FAM107B: variants seen among roughly 807,000 people sequenced by gnomAD.
FAM107B encodes the protein protein FAM107B.
In FAM107B, 21 loss-of-function variants were observed where a neutral mutation model predicts 31.5. That is an observed-to-expected ratio of 0.67 (90% CI 0.47 to 0.96). FAM107B has a LOEUF of 0.96. Among genes scored for constraint, FAM107B ranks in the 40% least tolerant of loss-of-function variants. The pLI is 0.00. For missense variants in FAM107B, 452 were observed against 377.1 expected (o/e 1.20, Z -1.64); for synonymous variants, 157 against 141.5 (o/e 1.11, Z -0.78).
chr10:14,580,517 GA>G (rs1374379946), intron 2 of FAM107B, among the ~76,000 whole-genome samples: 1 of 150,356 alleles, frequency 6.7e-6, no homozygotes, highest in East Asian at 1.9e-4. Context: ...TACATTCTTA[GA>G]AAAAAAAATA....
chr10:14,755,751 G>A (rs1274993223), intron 1 of FAM107B, among the ~76,000 whole-genome samples: 1 of 152,250 alleles, frequency 6.6e-6, no homozygotes, highest in South Asian at 2.1e-4. Flanking sequence ...GATGAGGAAA[G>A]AACTCAGGAC....
At chr10:14,670,326 T>A (rs967767834) in intron 1 of FAM107B, among the ~76,000 whole-genome samples, 1 of 152,230 alleles carries the variant, frequency 6.6e-6, no homozygotes, top group Admixed American at 6.5e-5. Context: ...CAAATGTATG[T>A]GTTGTAAGAA....
At chr10:14,731,342 A>C (rs576874005) in intron 1 of FAM107B, among the ~76,000 whole-genome samples, 2 of 152,274 alleles carry the variant, frequency 1.3e-5, no homozygotes, top group South Asian at 4.1e-4. Flanking sequence ...CAGGTGGATC[A>C]CCTGAGATCA....
At chr10:14,739,550 C>G (rs1033249952) in intron 1 of FAM107B, among the ~76,000 whole-genome samples, 16 of 152,162 alleles carry the variant, frequency 1.1e-4, no homozygotes, top group Non-Finnish European at 1.8e-4. Flanking sequence ...ACCAATTTTA[C>G]TCCTGGAATG....
intron 2 of FAM107B, among the ~76,000 whole-genome samples, chr10:14,597,622 C>A (rs1852230864): frequency 1.3e-5 from 2 of 152,194 alleles, no homozygotes; most frequent in South Asian, 4.1e-4. Flanking sequence ...CCTGTGTCCG[C>A]ATCTTGACAT....
In FAM107B at chr10:14,718,004, C is replaced by T. The variant is rs111334525; in HGVS notation, c.412-50313G>A. Among the ~76,000 whole-genome samples, 7 of 152,232 alleles carry T rather than the reference C, an allele frequency of 4.6e-5. No homozygotes were observed. The East Asian group carries it at 1.4e-3, about 29-fold the overall frequency. On this transcript the variant is annotated intron_variant, in intron 1 of 4. Coordinates refer to ENST00000181796, the MANE Select transcript of FAM107B (RefSeq NM_031453.4). ...GCTAACAAAAGATCATGTTTTGGTTCTTGGTTCCTGGGGGTCCAGGAGAAG... is the reference window on the plus strand; with the variant it reads ...GCTAACAAAAGATCATGTTTTGGTTTTTGGTTCCTGGGGGTCCAGGAGAAG...
chr10:14,652,223 T>C (rs1048975944), intron 2 of FAM107B, among the ~76,000 whole-genome samples: 2 of 152,170 alleles, frequency 1.3e-5, no homozygotes, highest in Non-Finnish European at 2.9e-5. Flanking sequence ...TCTATGCACA[T>C]GGAAAATTCC....
At chr10:14,632,106 G>T (rs1318085085) in intron 2 of FAM107B, among the ~76,000 whole-genome samples, 1 of 150,764 alleles carries the variant, frequency 6.6e-6, no homozygotes, top group African/African-American at 2.4e-5. Context: ...AGACCAGCCT[G>T]GCCAACATTG....
At chr10:14,574,390 C>T (rs961596947) in intron 2 of FAM107B, among the ~76,000 whole-genome samples, 34 of 152,220 alleles carry the variant, frequency 2.2e-4, no homozygotes, top group African/African-American at 7.5e-4. Context: ...TTCAGTAGGA[C>T]ATTTTGCAAA....
chr10:14,703,250 G>A (rs1855443723), intron 1 of FAM107B, among the ~76,000 whole-genome samples: 1 of 151,822 alleles, frequency 6.6e-6, no homozygotes, highest in South Asian at 2.1e-4. Context: ...CCCTCCAAGG[G>A]CAAAGGGAAA....
chr10:14,561,560 T>G (rs1440973641), intron 2 of FAM107B, among the ~76,000 whole-genome samples: 1 of 152,096 alleles, frequency 6.6e-6, no homozygotes, highest in Admixed American at 6.5e-5. Flanking sequence ...AGGAACTGGG[T>G]TATGGTAAGG....
intron 2 of FAM107B, among the ~76,000 whole-genome samples, chr10:14,615,170 A>T (rs1369979787): frequency 6.6e-6 from 1 of 152,090 alleles, no homozygotes; most frequent in African/African-American, 2.4e-5. Flanking sequence ...CTCTACTAAA[A>T]ATACAAAAAT....
At chr10:14,771,448 T>C (rs1449232033) in intron 1 of FAM107B, among the ~76,000 whole-genome samples, 1 of 152,206 alleles carries the variant, frequency 6.6e-6, no homozygotes, top group African/African-American at 2.4e-5. Context: ...AATAATTTAT[T>C]GTGTATTTCA....
At chr10:14,531,891 T>A (rs562541077) in intron 2 of FAM107B, among the ~76,000 whole-genome samples, 5 of 152,296 alleles carry the variant, frequency 3.3e-5, no homozygotes, top group African/African-American at 1.2e-4. Flanking sequence ...GCGCCTCACA[T>A]AACTTACTTT....
intron 2 of FAM107B, among the ~76,000 whole-genome samples, chr10:14,606,571 C>T (rs1340556670): frequency 6.6e-6 from 1 of 152,138 alleles, no homozygotes; most frequent in Non-Finnish European, 1.5e-5. Flanking sequence ...TATTTGGAGA[C>T]AGGACCTATA....
chr10:14,556,300 C>T, intron 2 of FAM107B: 1 of 966,994 alleles, frequency 1.0e-6, no homozygotes, highest in Non-Finnish European at 1.2e-6. Context: ...CGGAAATTTA[C>T]AATTGATAAA....
At chr10:14,614,932 G>A (rs1852813207) in intron 2 of FAM107B, among the ~76,000 whole-genome samples, 1 of 152,140 alleles carries the variant, frequency 6.6e-6, no homozygotes, top group African/African-American at 2.4e-5. Context: ...TGGGAAAAGA[G>A]GAATTGGAGG....
intron 2 of FAM107B, chr10:14,572,518 C>T (rs1326807496): frequency 3.9e-6 from 2 of 509,266 alleles, no homozygotes; most frequent in Non-Finnish European, 5.1e-6. Context: ...CATCACAGCC[C>T]ACTTTATAAA....
At chr10:14,695,254 A>T (rs7089132) in intron 1 of FAM107B, among the ~76,000 whole-genome samples, 5,930 of 151,872 alleles carry the variant, frequency 0.039, 322 homozygotes, top group African/African-American at 0.12. Context: ...TACTGAAGAG[A>T]CCCTCCTTTC....
Sources: gnomAD v4.1 joint callset for allele counts (sites outside exome capture counted in the v4.1 genomes callset) on GRCh38, gnomAD v4.1.1 for gene constraint, MANE v1.5 for transcripts, NCBI Gene and HGNC (gene_info 2026-07-23, HGNC 2026-07-21) for gene names.